The following MGAM2 variants were observed in gnomAD, a reference collection of about 807,000 sequenced individuals.
MGAM2 encodes maltase-glucoamylase 2 (putative), also known as probable maltase-glucoamylase 2.
MGAM2 carries 98 observed loss-of-function variants against 96.1 expected under a neutral mutation model. That is an observed-to-expected ratio of 1.02 (90% CI 0.87 to 1.21). The LOEUF is 1.21. Ranked by LOEUF, MGAM2 falls within the 50% of genes most tolerant of loss-of-function variation. The pLI, the probability that MGAM2 is intolerant of heterozygous loss-of-function variation, is 0.00. For missense variants in MGAM2, 2,055 were observed against 1,182.4 expected (o/e 1.74, Z -10.82); for synonymous variants, 749 against 414.8 (o/e 1.81, Z -9.79).
chr7:142,204,292 A>G (rs1797332798), intron 45 of MGAM2, among the ~76,000 whole-genome samples: 1 of 151,988 alleles, frequency 6.6e-6, no homozygotes, highest in Non-Finnish European at 1.5e-5. Flanking sequence ...ATAATATATT[A>G]TAACCTATAT....
intron 37 of MGAM2, 99 bp from the exon 38 acceptor site, chr7:142,196,055 C>T (rs1056692896): frequency 1.6e-5 from 11 of 690,960 alleles, no homozygotes; most frequent in Admixed American, 4.2e-5. Context: ...TTATCTGACT[C>T]GGACCGAAGT....
chr7:142,149,523 C>T (rs1335220690), intron 15 of MGAM2, among the ~76,000 whole-genome samples: 1 of 151,738 alleles, frequency 6.6e-6, no homozygotes, highest in African/African-American at 2.4e-5. Flanking sequence ...AAACAATCTT[C>T]TGACGTTGTC....
chr7:142,163,570 G>A (rs1021193734), intron 23 of MGAM2, among the ~76,000 whole-genome samples: 11 of 152,186 alleles, frequency 7.2e-5, no homozygotes, highest in Non-Finnish European at 1.5e-4. Flanking sequence ...GTGAGCCACC[G>A]TGCCTGGCCA....
intron 23 of MGAM2, among the ~76,000 whole-genome samples, chr7:142,163,165 A>C (rs1795938802): frequency 2.0e-5 from 3 of 152,200 alleles, no homozygotes; most frequent in Non-Finnish European, 4.4e-5. Flanking sequence ...AACCTTTTAA[A>C]AATCACTCAC....
intron 46 of MGAM2, among the ~76,000 whole-genome samples, chr7:142,217,129 T>C (rs1449421798): frequency 1.3e-5 from 2 of 152,230 alleles, no homozygotes; most frequent in African/African-American, 4.8e-5. Context: ...TTCACATCCA[T>C]GAAAAATATC....
chr7:142,171,364 A>G lies in MGAM2; in HGVS notation c.3275A>G (p.Glu1092Gly). 1.4e-6 allele frequency: 1 copy of G among 703,080 alleles called. No homozygotes were observed. The highest frequency in any genetic ancestry group is 2.6e-6 in the Non-Finnish European group (1 of 384,878). 43.6% of individuals were successfully genotyped at this position (703,080 alleles called of 1,614,324 possible). A position where few individuals can be genotyped will look rare whatever the true frequency, so the allele number is the denominator to read the frequency against. Residue 1092 changes from glutamate to glycine, a missense_variant, in exon 28 of 48, where the codon GAA becomes GGA. Coordinates refer to ENST00000477922, the MANE Select transcript of MGAM2 (RefSeq NM_001293626.2). Reference protein sequence around the residue: ...LPSQYIYGFGETEHTTFRRNM... With the variant: ...LPSQYIYGFGGTEHTTFRRNM... ...TCCCAGTACATCTATGGCTTTGGGG[A>G]AACTGAGCACACGACTTTCAGAAGA...
intron 46 of MGAM2, among the ~76,000 whole-genome samples, chr7:142,209,173 T>C (rs981621187): frequency 1.3e-5 from 2 of 152,170 alleles, no homozygotes; most frequent in African/African-American, 2.4e-5. Flanking sequence ...TCATATGATT[T>C]ATCATGGCCT....
intron 21 of MGAM2, among the ~76,000 whole-genome samples, chr7:142,160,911 GAACT>G (rs1207238560): frequency 6.6e-6 from 1 of 152,126 alleles, no homozygotes; most frequent in Non-Finnish European, 1.5e-5. Flanking sequence ...TTGCCTGTAG[GAACT>G]GCCTCTGTCC....
rs114584247 is a variant in MGAM2, at chr7:142,148,599, T to C, written c.1634+1026T>C. 8.2e-3 allele frequency among the ~76,000 whole-genome samples: 1,242 copies of C among 152,360 alleles called. 11 individuals carry two copies. The highest frequency in any genetic ancestry group is 0.028 in the African/African-American group (1,178 of 41,572). On this transcript the variant is annotated intron_variant, in intron 15 of 47. Coordinates refer to ENST00000477922, the MANE Select transcript of MGAM2 (RefSeq NM_001293626.2). This position sits in a 1 kb window ranked among gnomAD's most constrained non-coding sequence, Gnocchi z 4.2. ...ACTCCTCTTCTCACTGTGTAGTTTC[T>C]TCTGTGGAAGATGGTACAATACAAT...
Position 142,172,061 on chromosome 7 carries a change from G to A in MGAM2, c.3352-37G>A, listed in dbSNP as rs75510728. The A allele has an allele frequency of 1.7e-3, 1,140 of 676,170 alleles. 7 individuals carry two copies. The African/African-American group carries it at 0.017, about 10-fold the overall frequency. 41.9% of individuals were successfully genotyped at this position (676,170 alleles called of 1,614,324 possible). A position where few individuals can be genotyped will look rare whatever the true frequency, so the allele number is the denominator to read the frequency against. On this transcript the variant is annotated intron_variant, in intron 28 of 47. Transcript: ENST00000477922. ...GGTTATGGTATGAAAACAATATCTT[G>A]CATTTTCTTTTTGTTTATTACCCTC... is the stretch of plus-strand genomic sequence containing the variant.
At chr7:142,217,312 T>G (rs754700137) in intron 46 of MGAM2, among the ~76,000 whole-genome samples, 3 of 152,238 alleles carry the variant, frequency 2.0e-5, no homozygotes, top group Non-Finnish European at 4.4e-5. Context: ...TCACTCTAAA[T>G]TAACTTGTGC....
rs752056986 is a variant in MGAM2, at chr7:142,133,997, G to A, written c.592G>A (p.Gly198Arg). 51 of 714,688 alleles carry A rather than the reference G, an allele frequency of 7.1e-5. No homozygotes were observed. Among genetic ancestry groups the A allele is most frequent in the Non-Finnish European group, 1.5e-5 (6 of 391,614 alleles). The allele number at this position is 714,688 out of a possible 1,614,324, so 44.3% of individuals were successfully genotyped here. ...NRRVLLDTSI[G>R]PLQFAQQYLQ... ...ATGGCCCAGGTTGGACACGAGCATC[G>A]GGCCCCTCCAGTTTGCCCAGCAGTA... The change falls in exon 7 of 48, where the codon GGG becomes AGG. Residue 198 changes from glycine (G) to arginine (R), a missense_variant. Gly to Arg is a moderately radical substitution (Grantham distance 125). Coordinates refer to ENST00000477922, the MANE Select transcript of MGAM2 (RefSeq NM_001293626.2).
At chr7:142,167,526 T>A (rs189655884) in intron 26 of MGAM2, 40 bp downstream of exon 26, 1 of 702,140 alleles carries the variant, frequency 1.4e-6, no homozygotes, top group Admixed American at 2.0e-5. Context: ...CAAGATGGAG[T>A]TTTTAATTTA....
chr7:142,163,433 C>T (rs898103097), intron 23 of MGAM2, among the ~76,000 whole-genome samples: 2 of 152,144 alleles, frequency 1.3e-5, no homozygotes, highest in African/African-American at 4.8e-5. Flanking sequence ...AGGCATGCAC[C>T]ACCATGCCCG....
intron 12 of MGAM2, among the ~76,000 whole-genome samples, chr7:142,142,592 A>G (rs1795265592): frequency 7.5e-6 from 1 of 133,970 alleles, no homozygotes; most frequent in Non-Finnish European, 1.5e-5. Context: ...GTGCAGTGGC[A>G]CGATCTCAGC....
chr7:142,177,563 C>T (rs1022499552), intron 32 of MGAM2, among the ~76,000 whole-genome samples: 2 of 152,130 alleles, frequency 1.3e-5, no homozygotes, highest in Non-Finnish European at 2.9e-5. Flanking sequence ...GTTATTCCCA[C>T]CTTTATATCT....
At chr7:142,214,546 C>T (rs1462612299) in intron 46 of MGAM2, among the ~76,000 whole-genome samples, 2 of 152,130 alleles carry the variant, frequency 1.3e-5, no homozygotes, top group Non-Finnish European at 2.9e-5. Flanking sequence ...AACTCCCACT[C>T]ACAATTGCTA....
chr7:142,120,216 C>A, intron 2 of MGAM2, 86 bp from the exon 3 acceptor site: 1 of 675,848 alleles, frequency 1.5e-6, no homozygotes, highest in South Asian at 1.6e-5. Flanking sequence ...GGAGAATTGG[C>A]CAAAAGTCTG....
At chr7:142,181,261 T>C (rs1332614057) in intron 32 of MGAM2, among the ~76,000 whole-genome samples, 1 of 152,188 alleles carries the variant, frequency 6.6e-6, no homozygotes, top group Admixed American at 6.5e-5. Context: ...GTGGTGTATG[T>C]TGAGTATAGT....
Sources: gnomAD v4.1 joint callset for allele counts (sites outside exome capture counted in the v4.1 genomes callset) on GRCh38, gnomAD v4.1.1 for gene constraint, Gnocchi (gnomAD v3.1) non-coding constraint, MANE v1.5 for transcripts, NCBI Gene and HGNC (gene_info 2026-07-23, HGNC 2026-07-21) for gene names.